Variants in HHIP observed in about 807,000 individuals in gnomAD.
The protein encoded by HHIP is hedgehog-interacting protein.
HHIP carries 12 observed loss-of-function variants against 74.0 expected under a neutral mutation model. The ratio of observed to expected loss-of-function variants is 0.16; its 90% CI spans 0.10 to 0.26. HHIP has a LOEUF of 0.26. Among genes scored for constraint, HHIP ranks in the 10% least tolerant of loss-of-function variants. The probability of loss-of-function intolerance (pLI) is 1.00; values close to 1 mark genes in which losing one functional copy is unlikely to be tolerated. For missense variants in HHIP, 788 were observed against 845.0 expected (o/e 0.93, Z 0.84); for synonymous variants, 309 against 311.6 (o/e 0.99, Z 0.09).
intron 4 of HHIP, among the ~76,000 whole-genome samples, chr4:144,679,398 G>T (rs908628885): frequency 6.6e-6 from 1 of 151,984 alleles, no homozygotes; most frequent in African/African-American, 2.4e-5. Context: ...CCCATTTGTT[G>T]ATTTTGGCTA....
intron 4 of HHIP, among the ~76,000 whole-genome samples, chr4:144,662,105 G>A (rs537849589): frequency 6.6e-5 from 10 of 152,300 alleles, no homozygotes; most frequent in Admixed American, 3.9e-4. Context: ...GATTATAAGA[G>A]TTTCTAAAAT....
rs528114699 is a variant in HHIP at position 144,711,138 on chromosome 4, C to T, written c.1302-812C>T. On this transcript the variant is annotated intron_variant, in intron 7 of 12. Transcript: ENST00000296575. The stretch of plus-strand genomic sequence containing the variant: ...ATGGAAAACATGAAAACAGAGTCAA[C>T]GTAAAAGACCTCGATATTTGTAGGG... 3.4e-4 allele frequency among the ~76,000 whole-genome samples: 51 copies of T among 152,226 alleles called. 1 individual carries two copies. In the South Asian group the frequency reaches 9.1e-3, roughly 27 times the overall value.
intron 4 of HHIP, among the ~76,000 whole-genome samples, chr4:144,702,146 A>G (rs1158584561): frequency 6.6e-6 from 1 of 152,162 alleles, no homozygotes; most frequent in Non-Finnish European, 1.5e-5. Context: ...GAGTGAAACC[A>G]TGTATAAAAA....
chr4:144,659,643 C>A lies in HHIP; in HGVS notation c.636C>A (p.His212Gln). 1 of 1,477,174 alleles carries A rather than the reference C, an allele frequency of 6.8e-7. No individual in the cohort carries two copies. Among genetic ancestry groups the A allele is most frequent in the Non-Finnish European group, 9.0e-7 (1 of 1,115,306 alleles). The allele number at this position is 1,477,174 out of a possible 1,614,324, so 91.5% of individuals were successfully genotyped here. The change falls in exon 4 of 13, where the codon CAC becomes CAA. Residue 212 changes from histidine to glutamine, a missense_variant. His to Gln is a conservative substitution (Grantham distance 24). Transcript: ENST00000296575. Reference sequence around the variant, plus strand: ...TTTTCTTTAATTTGTTTAGAAAGCACAAACACAACTGCTTCTGTATTCAGG... The same window carrying A: ...TTTTCTTTAATTTGTTTAGAAAGCAAAAACACAACTGCTTCTGTATTCAGG... ...YDKVEEISRK[H>Q]KHNCFCIQEV...
intron 4 of HHIP, among the ~76,000 whole-genome samples, chr4:144,703,949 C>A (rs1466587010): frequency 2.6e-5 from 4 of 152,154 alleles, no homozygotes; most frequent in African/African-American, 9.7e-5. Flanking sequence ...AGAGTTAAAT[C>A]ATAATTTGTC....
At chr4:144,666,720 G>A (rs1223201175) in intron 4 of HHIP, among the ~76,000 whole-genome samples, 1 of 152,176 alleles carries the variant, frequency 6.6e-6, no homozygotes, top group Non-Finnish European at 1.5e-5. Context: ...GGTGATGGTT[G>A]GTGTCAGCAT....
At chr4:144,673,541 G>A (rs1729099143) in intron 4 of HHIP, among the ~76,000 whole-genome samples, 1 of 152,086 alleles carries the variant, frequency 6.6e-6, no homozygotes, top group African/African-American at 2.4e-5. Flanking sequence ...CCTAGGAAAT[G>A]CACATTTAAA....
chr4:144,657,080 T>C lies in HHIP; in HGVS notation c.473-1710T>C, dbSNP rs543449987. Among the ~76,000 whole-genome samples the C allele has an allele frequency of 5.9e-5, 9 of 152,200 alleles. No homozygotes were observed. In the South Asian group the frequency reaches 1.9e-3, roughly 32 times the overall value. On this transcript the variant is annotated intron_variant, in intron 2 of 12. Transcript: ENST00000296575. ...TGCCTGGTTGCCAAGACAAGATCCT[T>C]TCCAATAGCCTAGTCAGAAATTGGC...
intron 12 of HHIP, among the ~76,000 whole-genome samples, chr4:144,737,251 G>T (rs966696932): frequency 6.6e-6 from 1 of 151,798 alleles, no homozygotes; most frequent in South Asian, 2.1e-4. Flanking sequence ...GAAGCAAGAG[G>T]AAGGAAGAAT....
In HHIP at chr4:144,743,002, T is replaced by TAAG. The variant is rs1560729217; in HGVS notation, c.*5046_*5047insAGA. ...ATATATACATTATATATATATAATATATATATATTATATATATATAATATA... is the reference window on the plus strand; with the variant it reads ...ATATATACATTATATATATATAATATAAGATATATATTATATATATATAATATA... On this transcript the variant is annotated 3_prime_UTR_variant, in exon 13 of 13. Transcript: ENST00000296575. 0.051 allele frequency: 34 copies of TAAG among 670 alleles called. No homozygotes were observed. The highest frequency in any genetic ancestry group is 0.33 in the South Asian group (16 of 48). 0.0% of individuals were successfully genotyped at this position (670 alleles called of 1,614,324 possible).
chr4:144,726,860 C>A (rs533376503), intron 11 of HHIP, among the ~76,000 whole-genome samples: 2 of 152,330 alleles, frequency 1.3e-5, no homozygotes, highest in African/African-American at 4.8e-5. Context: ...CTTCAGGGTG[C>A]ACATCCACTT....
chr4:144,720,070 A>G (rs1305730803), intron 11 of HHIP, among the ~76,000 whole-genome samples: 2 of 152,234 alleles, frequency 1.3e-5, no homozygotes, highest in Non-Finnish European at 2.9e-5. Flanking sequence ...CACATATCAC[A>G]TATCACAGGT....
At chr4:144,668,066 C>T (rs941806002) in intron 4 of HHIP, among the ~76,000 whole-genome samples, 1 of 151,850 alleles carries the variant, frequency 6.6e-6, no homozygotes, top group Non-Finnish European at 1.5e-5. Flanking sequence ...ACCTGTAATC[C>T]CAGCACTTTG....
intron 4 of HHIP, among the ~76,000 whole-genome samples, chr4:144,665,804 A>C (rs557361373): frequency 6.6e-6 from 1 of 152,334 alleles, no homozygotes; most frequent in South Asian, 2.1e-4. Flanking sequence ...GACAGATGCC[A>C]TGTTTCTCCA....
intron 4 of HHIP, among the ~76,000 whole-genome samples, chr4:144,671,165 A>G (rs1162082969): frequency 1.3e-5 from 2 of 152,136 alleles, no homozygotes; most frequent in African/African-American, 4.8e-5. Context: ...GAAGTTAATA[A>G]TATATTTACA....
At chr4:144,658,975 T>C in intron 3 of HHIP, 29 bp downstream of exon 3, 1 of 1,552,496 alleles carries the variant, frequency 6.4e-7, no homozygotes, top group Non-Finnish European at 8.7e-7. Flanking sequence ...TCTTTAATCT[T>C]TTTAAAAAAA....
Position 144,744,747 on chromosome 4 carries a change from G to A in HHIP, c.*6790G>A, listed in dbSNP as rs1247973277. ...TTATTAAAGTGCCTACCATGATTATGTGCTGTAGAAAAGACAAGGACATTT... is the reference window on the plus strand; with the variant it reads ...TTATTAAAGTGCCTACCATGATTATATGCTGTAGAAAAGACAAGGACATTT... On this transcript the variant is annotated 3_prime_UTR_variant, in exon 13 of 13. Transcript: ENST00000296575. 1 of 145,332 alleles carries A rather than the reference G, an allele frequency of 6.9e-6. No homozygotes were observed. Among genetic ancestry groups the A allele is most frequent in the Non-Finnish European group, 1.5e-5 (1 of 66,676 alleles). 9.0% of individuals were successfully genotyped at this position (145,332 alleles called of 1,614,324 possible).
At position 144,736,025 on chromosome 4, in the gene HHIP, G is replaced by A. The variant is rs11937370; in HGVS notation, c.1909+1136G>A. Among the ~76,000 whole-genome samples the A allele has an allele frequency of 7.0e-3, 1,062 of 151,814 alleles. 7 individuals carry two copies. Among genetic ancestry groups the A allele is most frequent in the African/African-American group, 0.023 (934 of 41,440 alleles). ...ACCCATCTTCTCTGTCTTTTTGTTG[G>A]TTGACCAAAAATATGAGAATCAGTA... On this transcript the variant is annotated intron_variant, in intron 12 of 12. Coordinates refer to ENST00000296575, the MANE Select transcript of HHIP (RefSeq NM_022475.3).
In HHIP at chr4:144,707,190, G is replaced by A. The variant is rs141216253; in HGVS notation, c.1087G>A (p.Gly363Ser). ...AGGACAACTGCTCTTTGGCCCTGAC[G>A]GCTTTTTGTACATCATTCTTGGTGA... Reference protein sequence around the residue: ...LGGQLLFGPDGFLYIILGDGM... With the variant: ...LGGQLLFGPDSFLYIILGDGM... The change falls in exon 6 of 13, where the codon GGC (glycine) becomes AGC (serine). Residue 363 changes from glycine (G) to serine (S), a missense_variant. By Grantham distance (56) the Gly-to-Ser change is moderately conservative (BLOSUM62 0). Transcript: ENST00000296575. 89 of 1,613,976 alleles carry A rather than the reference G, an allele frequency of 5.5e-5. No homozygotes were observed. The highest frequency in any genetic ancestry group is 3.7e-4 in the African/African-American group (28 of 75,020).
Sources: gnomAD v4.1 joint callset for allele counts (sites outside exome capture counted in the v4.1 genomes callset) on GRCh38, gnomAD v4.1.1 for gene constraint, MANE v1.5 for transcripts, NCBI Gene and HGNC (gene_info 2026-07-23, HGNC 2026-07-21) for gene names.